GAREM1: variants seen among roughly 807,000 people sequenced by gnomAD.
The protein encoded by GAREM1 is GRB2-associated and regulator of MAPK protein 1.
A neutral mutation model predicts 71.3 loss-of-function variants in GAREM1; 26 were observed. The observed-to-expected ratio is 0.36, with a 90% confidence interval of 0.27 to 0.51. GAREM1 has a LOEUF of 0.51. GAREM1 is among the 20% of genes least tolerant of loss of function. The pLI, the probability that GAREM1 is intolerant of heterozygous loss-of-function variation, is 0.95. For synonymous variants in GAREM1, 440 were observed against 433.2 expected, an observed-to-expected ratio of 1.02 and a Z score of -0.20; for missense variants, 1,026 against 1,103.1, an observed-to-expected ratio of 0.93 and a Z score of 0.99.
chr18:32,325,497 T>C (rs2047466143), intron 2 of GAREM1, among the ~76,000 whole-genome samples: 1 of 152,116 alleles, frequency 6.6e-6, no homozygotes, highest in Non-Finnish European at 1.5e-5. Context: ...TCTCTGTACT[T>C]TCCTCTCAAT....
rs1271817961 is a variant in GAREM1, at chr18:32,310,075, C to T, written c.393+118G>A. 23 of 1,122,282 alleles carry T rather than the reference C, an allele frequency of 2.0e-5. 1 individual carries two copies. The South Asian group carries it at 3.6e-4, about 17-fold the overall frequency. 69.5% of individuals were successfully genotyped at this position (1,122,282 alleles called of 1,614,324 possible). ...ATGTGGTTTTGGCTACTGCCACTAACTATTAGAAGATAAAACCCTCCTAGG... is the reference window on the plus strand; with the variant it reads ...ATGTGGTTTTGGCTACTGCCACTAATTATTAGAAGATAAAACCCTCCTAGG... On this transcript the variant is annotated intron_variant, in intron 3 of 5. Transcript: ENST00000269209.
chr18:32,407,633 TAA>T (rs1176749452), intron 1 of GAREM1, among the ~76,000 whole-genome samples: 5 of 152,266 alleles, frequency 3.3e-5, no homozygotes, highest in Non-Finnish European at 7.4e-5. Context: ...GATCTAGCTT[TAA>T]AGAGTATGTG....
chr18:32,392,059 T>C (rs1253371336), intron 2 of GAREM1, among the ~76,000 whole-genome samples: 1 of 152,162 alleles, frequency 6.6e-6, no homozygotes, highest in East Asian at 1.9e-4. Flanking sequence ...GAGAACACAA[T>C]GGCAGTCTAG....
intron 1 of GAREM1, among the ~76,000 whole-genome samples, chr18:32,460,614 T>C (rs978939804): frequency 6.6e-6 from 1 of 152,174 alleles, no homozygotes; most frequent in Non-Finnish European, 1.5e-5. Flanking sequence ...CAAGTCAAAC[T>C]TGGGGCTATT....
At chr18:32,276,909 G>A (rs1482895972) in intron 4 of GAREM1, among the ~76,000 whole-genome samples, 1 of 152,216 alleles carries the variant, frequency 6.6e-6, no homozygotes, top group African/African-American at 2.4e-5. Flanking sequence ...GGGAAAAACA[G>A]GTAACTACAC....
rs151234771 is a variant in GAREM1, at chr18:32,363,903, T to TACACACACACACAC, written c.262+28978_262+28991dup. Among the ~76,000 whole-genome samples, 7 of 142,866 alleles carry TACACACACACACAC rather than the reference T, an allele frequency of 4.9e-5. No individual in the cohort carries two copies. The South Asian group carries it at 6.8e-4, about 14-fold the overall frequency. 93.7% of individuals were successfully genotyped at this position (142,866 alleles called of 152,430 possible). ...TTTCATCATATTTTGGTCAAGGTTA[T>TACACACACACACAC]ACACACACACACACATAAAAAAATA... On this transcript the variant is annotated intron_variant, in intron 2 of 5. Coordinates refer to ENST00000269209, the MANE Select transcript of GAREM1 (RefSeq NM_001242409.2).
At chr18:32,380,676 C>G (rs762632004) in intron 2 of GAREM1, among the ~76,000 whole-genome samples, 7 of 152,040 alleles carry the variant, frequency 4.6e-5, no homozygotes, top group Non-Finnish European at 1.0e-4. Context: ...CAGAAGCTGT[C>G]CTGTGCAGTG....
intron 1 of GAREM1, chr18:32,412,760 G>A (rs2048432971): frequency 7.6e-7 from 1 of 1,318,794 alleles, no homozygotes; most frequent in African/African-American, 1.4e-5. Flanking sequence ...CACTGCCTCG[G>A]TCAGTCATGA....
chr18:32,337,969 C>T (rs1190014137), intron 2 of GAREM1, among the ~76,000 whole-genome samples: 1 of 152,124 alleles, frequency 6.6e-6, no homozygotes, highest in Non-Finnish European at 1.5e-5. Context: ...GGAGGCATAC[C>T]ACAAGACCCA....
chr18:32,272,847 T>A (rs147428262), intron 4 of GAREM1, among the ~76,000 whole-genome samples: 1 of 152,230 alleles, frequency 6.6e-6, no homozygotes, highest in African/African-American at 2.4e-5. Context: ...GGTCTCGAAC[T>A]GCTGACCTCA....
intron 1 of GAREM1, among the ~76,000 whole-genome samples, chr18:32,459,367 C>A (rs956766622): frequency 2.0e-5 from 3 of 151,528 alleles, no homozygotes; most frequent in Admixed American, 6.6e-5. Context: ...CTGAAATTAA[C>A]CTTAACTGAT....
chr18:32,373,050 T>C (rs1245775965), intron 2 of GAREM1, among the ~76,000 whole-genome samples: 1 of 152,196 alleles, frequency 6.6e-6, no homozygotes, highest in African/African-American at 2.4e-5. Context: ...TGCTTTTCTG[T>C]ATTAATCACT....
chr18:32,419,866 G>A (rs1264976116), intron 1 of GAREM1, among the ~76,000 whole-genome samples: 1 of 152,164 alleles, frequency 6.6e-6, no homozygotes, highest in Non-Finnish European at 1.5e-5. Flanking sequence ...TGTTTATACA[G>A]TACCTTTCAA....
chr18:32,308,527 CTTA>C (rs1272656934), intron 3 of GAREM1, among the ~76,000 whole-genome samples: 1 of 148,810 alleles, frequency 6.7e-6, no homozygotes, highest in Non-Finnish European at 1.5e-5. Flanking sequence ...CTAAAAAAAA[CTTA>C]TTTTTTTTTC....
At chr18:32,367,933 G>A (rs1199570488) in intron 2 of GAREM1, among the ~76,000 whole-genome samples, 1 of 152,188 alleles carries the variant, frequency 6.6e-6, no homozygotes, top group Non-Finnish European at 1.5e-5. Context: ...AGAAGACCAT[G>A]AAATGTTTGA....
chr18:32,331,375 T>C (rs1223845842), intron 2 of GAREM1, among the ~76,000 whole-genome samples: 5 of 152,230 alleles, frequency 3.3e-5, no homozygotes, highest in Non-Finnish European at 7.3e-5. Flanking sequence ...ACTACTAAAA[T>C]AGCTTTCAGC....
At chr18:32,342,897 T>C (rs2047660688) in intron 2 of GAREM1, among the ~76,000 whole-genome samples, 2 of 152,210 alleles carry the variant, frequency 1.3e-5, no homozygotes. Context: ...CCCATCTATG[T>C]ACTATCTATG....
At position 32,364,018 on chromosome 18, in the gene GAREM1, ATATATATATGTTTTTT is replaced by A. The variant is rs1315078797; in HGVS notation, c.262+28861_262+28876del. On this transcript the variant is annotated intron_variant, in intron 2 of 5. Transcript: ENST00000269209. The stretch of plus-strand genomic sequence containing the variant: ...TACATATATATATATATATATATAT[ATATATATATGTTTTTT>A]TTTTTTTTTTTTTTTTGTGAGACAC... Among the ~76,000 whole-genome samples the A allele has an allele frequency of 1.5e-4, 7 of 48,228 alleles. 1 individual carries two copies. The highest frequency in any genetic ancestry group is 1.1e-3 in the African/African-American group (7 of 6,598). The allele number at this position is 48,228 out of a possible 152,430, so 31.6% of individuals were successfully genotyped here. A position where few individuals can be genotyped will look rare whatever the true frequency, so the allele number is the denominator to read the frequency against.
chr18:32,298,892 T>C (rs2047169523), intron 3 of GAREM1, among the ~76,000 whole-genome samples: 1 of 152,180 alleles, frequency 6.6e-6, no homozygotes, highest in Admixed American at 6.6e-5. Context: ...AGCAAATGGA[T>C]GAAAATTGCA....
Sources: allele counts gnomAD v4.1 joint callset (sites outside exome capture counted in the v4.1 genomes callset), GRCh38; gene constraint gnomAD v4.1.1; transcripts MANE v1.5; gene names NCBI Gene and HGNC (gene_info 2026-07-23, HGNC 2026-07-21).